CLVS1: variants seen among roughly 807,000 people sequenced by gnomAD.
The protein encoded by CLVS1 is clavesin 1, also known as clavesin-1.
CLVS1 carries 10 observed loss-of-function variants against 33.1 expected under a neutral mutation model. The observed-to-expected ratio is 0.30, with a 90% CI of 0.19 to 0.51. The LOEUF (loss-of-function observed/expected upper bound fraction) is 0.51. Ranked by LOEUF, CLVS1 falls within the 20% of genes least tolerant of loss-of-function variation. CLVS1 has a pLI of 0.97. For synonymous variants in CLVS1, 163 were observed against 166.1 expected (o/e 0.98, Z 0.14); for missense variants, 343 against 433.4 (o/e 0.79, Z 1.85).
chr8:61,397,129 C>G (rs778811674), intron 3 of CLVS1, among the ~76,000 whole-genome samples: 1 of 152,148 alleles, frequency 6.6e-6, no homozygotes, highest in African/African-American at 2.4e-5. Context: ...TCCAAAGTGA[C>G]TGTGCCATTT....
intron 2 of CLVS1, among the ~76,000 whole-genome samples, chr8:61,250,726 A>G (rs1036114463): frequency 6.6e-6 from 1 of 152,026 alleles, no homozygotes; most frequent in Admixed American, 6.6e-5. Context: ...TTTGTCTGTT[A>G]TTGGTGTAAA....
At chr8:61,376,249 C>T (rs1813635864) in intron 2 of CLVS1, among the ~76,000 whole-genome samples, 1 of 152,138 alleles carries the variant, frequency 6.6e-6, no homozygotes, top group African/African-American at 2.4e-5. Flanking sequence ...CAATCCCTAC[C>T]CTCAAGGACA....
chr8:61,161,143 G>A (rs1806742178), intron 2 of CLVS1, among the ~76,000 whole-genome samples: 1 of 152,164 alleles, frequency 6.6e-6, no homozygotes, highest in Admixed American at 6.5e-5. Flanking sequence ...ACACACACCT[G>A]TTAGAAGGGT....
chr8:61,127,373 C>G (rs1053977173), intron 1 of CLVS1, among the ~76,000 whole-genome samples: 8 of 152,054 alleles, frequency 5.3e-5, no homozygotes, highest in African/African-American at 1.9e-4. Flanking sequence ...GTGTGCGCCA[C>G]CATGCTGGGC....
chr8:61,399,316 G>C (rs562636194), intron 3 of CLVS1, among the ~76,000 whole-genome samples: 9 of 151,982 alleles, frequency 5.9e-5, no homozygotes, highest in Admixed American at 1.3e-4. Context: ...TCATGTGTTT[G>C]TTGGCCACAT....
chr8:61,324,839 A>C (rs1018224890), intron 2 of CLVS1, among the ~76,000 whole-genome samples: 4 of 152,116 alleles, frequency 2.6e-5, no homozygotes, highest in Admixed American at 2.0e-4. Flanking sequence ...CACTCCTACC[A>C]ACAGTGTACA....
At chr8:61,397,609 A>G (rs1814578391) in intron 3 of CLVS1, among the ~76,000 whole-genome samples, 1 of 152,154 alleles carries the variant, frequency 6.6e-6, no homozygotes, top group Non-Finnish European at 1.5e-5. Flanking sequence ...CAAAGTCAAG[A>G]TGATTGACGC....
chr8:61,476,270 G>C (rs1267099593), intron 5 of CLVS1, among the ~76,000 whole-genome samples: 2 of 152,168 alleles, frequency 1.3e-5, no homozygotes, highest in African/African-American at 4.8e-5. Flanking sequence ...GGATTGACTT[G>C]GCAATGTGGG....
At chr8:61,470,104 C>T (rs570603635) in intron 5 of CLVS1, among the ~76,000 whole-genome samples, 63 of 152,318 alleles carry the variant, frequency 4.1e-4, no homozygotes, top group African/African-American at 1.4e-3. Flanking sequence ...AGCTGCATAG[C>T]CTCACCATTA....
chr8:61,461,848 C>T (rs532721737), intron 5 of CLVS1, among the ~76,000 whole-genome samples: 3 of 152,170 alleles, frequency 2.0e-5, no homozygotes, highest in Non-Finnish European at 2.9e-5. Context: ...CTATGAGAAC[C>T]TTCTTCTCCA....
intron 3 of CLVS1, among the ~76,000 whole-genome samples, chr8:61,396,784 C>T (rs141539285): frequency 1.3e-5 from 2 of 152,336 alleles, no homozygotes; most frequent in South Asian, 4.1e-4. Flanking sequence ...TAAATGGAAT[C>T]ATACAATATG....
At position 61,495,909 on chromosome 8, in the gene CLVS1, G is replaced by C. The variant is rs567363375; in HGVS notation, c.978-3546G>C. On this transcript the variant is annotated intron_variant, in intron 5 of 5. Transcript: ENST00000325897. Reference sequence around the variant, plus strand: ...GCCAGTTTTAGAAACCTTGGCACAAGAGGAATCTGGCTAGCCTTGGCTGGG... The same window carrying C: ...GCCAGTTTTAGAAACCTTGGCACAACAGGAATCTGGCTAGCCTTGGCTGGG... 3.3e-5 allele frequency among the ~76,000 whole-genome samples: 5 copies of C among 152,344 alleles called. No homozygotes were observed. The South Asian group carries it at 8.3e-4, about 25-fold the overall frequency.
the CLVS1 span, among the ~76,000 whole-genome samples, chr8:60,988,481 G>A: frequency 1.0e-3 from 157 of 151,492 alleles, no homozygotes; most frequent in Non-Finnish European, 2.0e-3. Context: ...GATATTCCCT[G>A]CACACCAGAA....
At chr8:61,441,998 CCTT>C (rs1176811409) in intron 3 of CLVS1, among the ~76,000 whole-genome samples, 2 of 152,082 alleles carry the variant, frequency 1.3e-5, no homozygotes, top group Non-Finnish European at 2.9e-5. Context: ...AAAAGACCAT[CCTT>C]CTTTTGTATA....
At chr8:61,345,000 T>A (rs766241932) in intron 2 of CLVS1, among the ~76,000 whole-genome samples, 9 of 152,106 alleles carry the variant, frequency 5.9e-5, no homozygotes, top group Non-Finnish European at 1.2e-4. Flanking sequence ...AAAAGGCAAA[T>A]GTGGATTTCG....
At chr8:61,250,518 T>C (rs1238273473) in intron 2 of CLVS1, among the ~76,000 whole-genome samples, 1 of 152,226 alleles carries the variant, frequency 6.6e-6, no homozygotes, top group African/African-American at 2.4e-5. Context: ...AGTATGGCCA[T>C]TTTCATGATA....
At chr8:61,209,421 C>A (rs2129306907) in intron 2 of CLVS1, among the ~76,000 whole-genome samples, 1 of 152,318 alleles carries the variant, frequency 6.6e-6, no homozygotes, top group Non-Finnish European at 1.5e-5. Flanking sequence ...TATGATAGAA[C>A]ATTGGCTATA....
At position 61,300,209 on chromosome 8, in the gene CLVS1, G is replaced by A. The variant is rs754982582; in HGVS notation, c.382G>A (p.Gly128Arg). The A allele has an allele frequency of 3.1e-6, 5 of 1,613,932 alleles. No homozygotes were observed. Among genetic ancestry groups the A allele is most frequent in the Non-Finnish European group, 4.2e-6 (5 of 1,179,922 alleles). ...IKRALIDGFP[G>R]VLENRDHYGR... ...GAGGGCTCTGATCGATGGGTTCCCC[G>A]GGGTGCTGGAAAACCGAGACCATTA... The change falls in exon 2 of 6, where the codon GGG (glycine) becomes AGG (arginine). Residue 128 changes from glycine to arginine, a missense_variant. By Grantham distance (125) the Gly-to-Arg change is moderately radical. Transcript: ENST00000325897.
intron 2 of CLVS1, among the ~76,000 whole-genome samples, chr8:61,151,047 A>G (rs1806523538): frequency 6.6e-6 from 1 of 152,164 alleles, no homozygotes. Context: ...AGCAGTTTAG[A>G]TTTGTCACTT....
Sources: allele counts gnomAD v4.1 joint callset (sites outside exome capture counted in the v4.1 genomes callset), GRCh38; gene constraint gnomAD v4.1.1; transcripts MANE v1.5; gene names NCBI Gene and HGNC (gene_info 2026-07-23, HGNC 2026-07-21).